Variants in KCNQ1 observed in about 807,000 individuals in gnomAD.
The protein encoded by KCNQ1 is potassium voltage-gated channel subfamily Q member 1.
In KCNQ1, 49 loss-of-function variants were observed where a neutral mutation model predicts 72.4. The observed-to-expected ratio is 0.68, with a 90% CI of 0.54 to 0.86. KCNQ1 has a LOEUF of 0.86. KCNQ1 is among the 40% of genes least tolerant of loss of function. The probability of loss-of-function intolerance (pLI) is 0.00; values close to 1 mark genes in which losing one functional copy is unlikely to be tolerated. For missense variants in KCNQ1, 790 were observed against 945.1 expected, an observed-to-expected ratio of 0.84 and a Z score of 2.15; for synonymous variants, 450 against 412.6, an observed-to-expected ratio of 1.09 and a Z score of -1.10.
chr11:2,760,088 G>GGT (rs745904819), intron 11 of KCNQ1, among the ~76,000 whole-genome samples: 1 of 152,214 alleles, frequency 6.6e-6, no homozygotes, highest in Admixed American at 6.5e-5. Flanking sequence ...GACGTGTGTT[G>GGT]AATGTGGCGC....
intron 15 of KCNQ1, among the ~76,000 whole-genome samples, chr11:2,807,713 G>A (rs1351577391): frequency 1.4e-5 from 1 of 70,166 alleles, no homozygotes; most frequent in South Asian, 4.8e-4. Context: ...CCACCCACCC[G>A]AGCTGCCTGC....
intron 10 of KCNQ1, chr11:2,656,394 T>C (rs773574255): frequency 3.3e-5 from 13 of 398,548 alleles, no homozygotes; most frequent in Non-Finnish European, 5.7e-5. Context: ...AAGGATGTCA[T>C]GGGCACAGAG....
At chr11:2,506,691 G>A (rs367687344) in intron 1 of KCNQ1, among the ~76,000 whole-genome samples, 5 of 152,192 alleles carry the variant, frequency 3.3e-5, no homozygotes, top group East Asian at 3.8e-4. Context: ...CCTGCAGAAC[G>A]GTTGCACATT....
In KCNQ1 at chr11:2,532,107, C is replaced by T. The variant is rs573079433; in HGVS notation, c.477+4089C>T. Among the ~76,000 whole-genome samples the T allele has an allele frequency of 3.9e-5, 6 of 152,294 alleles. No individual in the cohort carries two copies. In the South Asian group the frequency reaches 1.0e-3, roughly 26 times the overall value. ...CTCAGCCTCTTGTCAGGTTTCAGGC[C>T]TCTGCTTGGCACTATCCTGCACACC... is the stretch of plus-strand genomic sequence containing the variant. On this transcript the variant is annotated intron_variant, in intron 2 of 15. Coordinates refer to ENST00000155840, the MANE Select transcript of KCNQ1 (RefSeq NM_000218.3).
intron 1 of KCNQ1, among the ~76,000 whole-genome samples, chr11:2,460,246 G>A (rs1490601859): frequency 3.3e-5 from 5 of 152,012 alleles, no homozygotes; most frequent in African/African-American, 7.2e-5. Flanking sequence ...TGGGCAGGCC[G>A]GGCAGGGTGG....
rs769974306 is a variant in KCNQ1 at position 2,669,537 on chromosome 11, G to C, written c.1514+7456G>C. 10 of 398,468 alleles carry C rather than the reference G, an allele frequency of 2.5e-5. No individual in the cohort carries two copies. Among genetic ancestry groups the C allele is most frequent in the Admixed American group, 4.4e-5 (1 of 22,716 alleles). 24.7% of individuals were successfully genotyped at this position (398,468 alleles called of 1,614,324 possible). ...TTTGATGTATGTTCGCTGAATCCAG[G>C]GACAAGGTCTGTCAGGGAGCCCTGG... On this transcript the variant is annotated intron_variant, in intron 11 of 15. Coordinates refer to ENST00000155840, the MANE Select transcript of KCNQ1 (RefSeq NM_000218.3). The surrounding 1 kb of genome is among the most constrained non-coding windows in gnomAD (Gnocchi z 5.6).
At chr11:2,459,199 G>C (rs1846238987) in intron 1 of KCNQ1, among the ~76,000 whole-genome samples, 1 of 152,236 alleles carries the variant, frequency 6.6e-6, no homozygotes. Flanking sequence ...GGACGCGGTG[G>C]TGGGGACACT....
In KCNQ1 at chr11:2,678,051, T is replaced by C. The variant is rs894591121; in HGVS notation, c.1514+15970T>C. Reference sequence around the variant, plus strand: ...TTCTTTCTTGTGAACTATTTCTTCATACCCTTTGGACTTTGTAAAATACCT... The same window carrying C: ...TTCTTTCTTGTGAACTATTTCTTCACACCCTTTGGACTTTGTAAAATACCT... On this transcript the variant is annotated intron_variant, in intron 11 of 15. Transcript: ENST00000155840. This position sits in a 1 kb window ranked among gnomAD's most constrained non-coding sequence, Gnocchi z 4.9. 6 of 398,338 alleles carry C rather than the reference T, an allele frequency of 1.5e-5. No individual in the cohort carries two copies. Among genetic ancestry groups the C allele is most frequent in the African/African-American group, 8.2e-5 (4 of 48,636 alleles). 24.7% of individuals were successfully genotyped at this position (398,338 alleles called of 1,614,324 possible). A position where few individuals can be genotyped will look rare whatever the true frequency, so the allele number is the denominator to read the frequency against.
rs1846527266 is a variant in KCNQ1 at position 2,473,750 on chromosome 11, C to T, written c.386+28266C>T. Among the ~76,000 whole-genome samples, 1 of 152,212 alleles carries T rather than the reference C, an allele frequency of 6.6e-6. No individual in the cohort carries two copies. Among genetic ancestry groups the T allele is most frequent in the South Asian group, 2.1e-4 (1 of 4,836 alleles). ...GGAGATGGCAGCCTGCAGGTTGAAGCCCCCGACAGCTGGGGGAGGCATTGC... is the reference window on the plus strand; with the variant it reads ...GGAGATGGCAGCCTGCAGGTTGAAGTCCCCGACAGCTGGGGGAGGCATTGC... On this transcript the variant is annotated intron_variant, in intron 1 of 15. Coordinates refer to ENST00000155840, the MANE Select transcript of KCNQ1 (RefSeq NM_000218.3). This position sits in a 1 kb window ranked among gnomAD's most constrained non-coding sequence, Gnocchi z 6.0.
intron 15 of KCNQ1, among the ~76,000 whole-genome samples, chr11:2,831,392 T>C (rs1037183069): frequency 4.6e-5 from 7 of 152,188 alleles, no homozygotes; most frequent in African/African-American, 1.7e-4. Flanking sequence ...GTGAATGCCT[T>C]GTAGGCCTGG....
intron 11 of KCNQ1, among the ~76,000 whole-genome samples, chr11:2,728,431 T>A (rs566774267): frequency 6.0e-4 from 91 of 152,362 alleles, no homozygotes; most frequent in African/African-American, 2.0e-3. Context: ...AGCGTTTGAC[T>A]CTAGAACCGG....
chr11:2,820,462 T>A (rs1246499422), intron 15 of KCNQ1, among the ~76,000 whole-genome samples: 2 of 152,252 alleles, frequency 1.3e-5, no homozygotes, highest in African/African-American at 2.4e-5. Context: ...ATCATTTCTG[T>A]GACCTTTTTG....
intron 11 of KCNQ1, among the ~76,000 whole-genome samples, chr11:2,747,662 G>T (rs1410858126): frequency 2.0e-5 from 3 of 152,216 alleles, no homozygotes; most frequent in Non-Finnish European, 4.4e-5. Context: ...AGATGGCTTT[G>T]GGGGTGGACA....
Position 2,466,464 on chromosome 11 carries a change from G to A in KCNQ1, c.386+20980G>A, listed in dbSNP as rs146539566. On this transcript the variant is annotated intron_variant, in intron 1 of 15. Coordinates refer to ENST00000155840, the MANE Select transcript of KCNQ1 (RefSeq NM_000218.3). ...GCCTGGGGCTGTGGTTCTTAGAGGG[G>A]CAAGGGGCTGGCCCCTGTTGCTGGC... 6.7e-3 allele frequency among the ~76,000 whole-genome samples: 1,026 copies of A among 152,264 alleles called. 38 individuals are homozygous for A. Among genetic ancestry groups the A allele is most frequent in the Admixed American group, 0.054 (822 of 15,302 alleles).
chr11:2,796,762 G>A (rs1007100654), intron 15 of KCNQ1, among the ~76,000 whole-genome samples: 2 of 152,204 alleles, frequency 1.3e-5, no homozygotes, highest in African/African-American at 2.4e-5. Flanking sequence ...TCTTCCCGGC[G>A]GCAGCGGCTC....
chr11:2,718,253 G>A (rs571309397), intron 11 of KCNQ1, among the ~76,000 whole-genome samples: 4 of 152,304 alleles, frequency 2.6e-5, no homozygotes, highest in East Asian at 1.9e-4. Flanking sequence ...TGCTTGCTCT[G>A]GGCTTCAGGG....
intron 15 of KCNQ1, chr11:2,839,577 A>C (rs1318525618): frequency 6.6e-6 from 1 of 152,068 alleles, no homozygotes; most frequent in African/African-American, 2.4e-5. Context: ...GAGCCGAGGG[A>C]GAATCCAGGA....
intron 2 of KCNQ1, among the ~76,000 whole-genome samples, chr11:2,561,626 A>C (rs992142391): frequency 1.3e-5 from 2 of 152,182 alleles, no homozygotes; most frequent in Non-Finnish European, 2.9e-5. Flanking sequence ...GGATGCCACC[A>C]GTGTCCTCAC....
rs1019785708 is a variant in KCNQ1 at position 2,559,791 on chromosome 11, G to A, written c.478-10837G>A. Among the ~76,000 whole-genome samples, 6 of 152,102 alleles carry A rather than the reference G, an allele frequency of 3.9e-5. No individual in the cohort carries two copies. Among genetic ancestry groups the A allele is most frequent in the African/African-American group, 1.4e-4 (6 of 41,426 alleles). On this transcript the variant is annotated intron_variant, in intron 2 of 15. Transcript: ENST00000155840. The surrounding 1 kb of genome is among the most constrained non-coding windows in gnomAD (Gnocchi z 4.9). The stretch of plus-strand genomic sequence containing the variant: ...TGAAGGTCAGAGATGGCCGCCAGCT[G>A]TGGGAAGGCCTGTGGCTAGGGCTCT...
Sources: allele counts gnomAD v4.1 joint callset (sites outside exome capture counted in the v4.1 genomes callset), GRCh38; gene constraint gnomAD v4.1.1; non-coding constraint Gnocchi (gnomAD v3.1); transcripts MANE v1.5; gene names NCBI Gene and HGNC (gene_info 2026-07-23, HGNC 2026-07-21).